ZNF600: variants seen among roughly 807,000 people sequenced by gnomAD.
ZNF600 encodes zinc finger protein KR-ZNF1.
A neutral mutation model predicts 7.3 loss-of-function variants in ZNF600; 4 were observed. That is an observed-to-expected ratio of 0.55 (90% CI 0.27 to 1.25). The LOEUF (loss-of-function observed/expected upper bound fraction) is 1.25. Ranked by LOEUF, ZNF600 falls within the 50% of genes most tolerant of loss-of-function variation. The pLI, the probability that ZNF600 is intolerant of heterozygous loss-of-function variation, is 0.12. For synonymous variants in ZNF600, 290 were observed against 308.9 expected (o/e 0.94, Z 0.64); for missense variants, 911 against 922.1 (o/e 0.99, Z 0.16).
At chr19:52,766,718 T>C in exon 4 of ZNF600, 1 of 1,613,988 alleles carries the variant, frequency 6.2e-7, no homozygotes, top group Non-Finnish European at 8.5e-7. Flanking sequence ...TTTTATGTCT[T>C]GCCAGCTGAG....
chr19:52,794,187 C>G, the ZNF600 span, among the ~76,000 whole-genome samples: 35 of 152,042 alleles, frequency 2.3e-4, no homozygotes, highest in Admixed American at 1.8e-3. Context: ...TGGGTGTGGA[C>G]AGAGACAAGA....
the ZNF600 span, among the ~76,000 whole-genome samples, chr19:52,807,459 C>G: frequency 0.098 from 14,930 of 152,100 alleles, 1,342 homozygotes; most frequent in African/African-American, 0.22. Flanking sequence ...TCTTTAAAGT[C>G]TGCCATAAGG....
upstream of ZNF600, among the ~76,000 whole-genome samples, chr19:52,791,324 C>G (rs958105987): frequency 4.6e-5 from 7 of 152,202 alleles, no homozygotes; most frequent in Non-Finnish European, 7.3e-5. Flanking sequence ...ATGTCACTGG[C>G]TCACAGGAGA....
chr19:52,799,341 A>T, the ZNF600 span: 3 of 491,682 alleles, frequency 6.1e-6, no homozygotes, highest in East Asian at 7.6e-5. Context: ...CTTGTCATAA[A>T]CCTTACATCT....
intron 2 of ZNF600, among the ~76,000 whole-genome samples, chr19:52,778,592 A>G (rs10415079): frequency 0.035 from 5,340 of 152,226 alleles, 185 homozygotes; most frequent in African/African-American, 0.088. Flanking sequence ...ATCCATGTCT[A>G]GGTGTGAGCC....
At chr19:52,801,710 A>C in the ZNF600 span, 2 of 1,608,410 alleles carry the variant, frequency 1.2e-6, no homozygotes, top group Non-Finnish European at 1.7e-6. Context: ...TATCTACAAA[A>C]TATAAACACC....
At chr19:52,794,888 A>T in the ZNF600 span, among the ~76,000 whole-genome samples, 1 of 152,148 alleles carries the variant, frequency 6.6e-6, no homozygotes, top group Non-Finnish European at 1.5e-5. Flanking sequence ...GGACCATTCT[A>T]TATACCTGAG....
At chr19:52,822,988 A>G in the ZNF600 span, among the ~76,000 whole-genome samples, 1 of 152,144 alleles carries the variant, frequency 6.6e-6, no homozygotes, top group Admixed American at 6.5e-5. Flanking sequence ...ACACACAGGG[A>G]AAGACAGAGA....
chr19:52,811,760 T>G, the ZNF600 span, among the ~76,000 whole-genome samples: 3 of 129,028 alleles, frequency 2.3e-5, no homozygotes, highest in East Asian at 2.4e-4. Flanking sequence ...GGGAGGGAGG[T>G]CGGGGGGGTC....
intron 1 of ZNF600, among the ~76,000 whole-genome samples, chr19:52,784,112 G>C (rs1271577543): frequency 6.6e-6 from 1 of 152,122 alleles, no homozygotes; most frequent in Non-Finnish European, 1.5e-5. Flanking sequence ...AGGTAGGCCC[G>C]GCATGGCGGC....
chr19:52,801,119 T>C, the ZNF600 span: 1 of 1,614,132 alleles, frequency 6.2e-7, no homozygotes, highest in East Asian at 2.2e-5. Context: ...CACATTTACA[T>C]TGTTTCTCTT....
chr19:52,800,775 C>A, the ZNF600 span: 1 of 1,614,102 alleles, frequency 6.2e-7, no homozygotes, highest in Non-Finnish European at 8.5e-7. Flanking sequence ...ACATTCATTA[C>A]ACTTGTAAGG....
chr19:52,802,053 A>T, the ZNF600 span, among the ~76,000 whole-genome samples: 1 of 152,224 alleles, frequency 6.6e-6, no homozygotes, highest in Non-Finnish European at 1.5e-5. Context: ...TATATTCTTC[A>T]TATTTACAGC....
chr19:52,778,072 G>T (rs988181432), intron 2 of ZNF600, among the ~76,000 whole-genome samples: 1 of 151,912 alleles, frequency 6.6e-6, no homozygotes, highest in Non-Finnish European at 1.5e-5. Context: ...GGAGTGCAGT[G>T]GCATAATTTC....
At chr19:52,802,742 T>G in the ZNF600 span, among the ~76,000 whole-genome samples, 3 of 149,912 alleles carry the variant, frequency 2.0e-5, no homozygotes, top group African/African-American at 7.4e-5. Context: ...TATATCCATG[T>G]GGAACAGGCA....
At chr19:52,816,633 C>T in the ZNF600 span, among the ~76,000 whole-genome samples, 1 of 125,816 alleles carries the variant, frequency 7.9e-6, no homozygotes, top group Non-Finnish European at 1.6e-5. Flanking sequence ...CAAAGCACTC[C>T]ACCCTGGGTG....
the ZNF600 span, among the ~76,000 whole-genome samples, chr19:52,795,275 A>G: frequency 2.0e-5 from 3 of 152,206 alleles, no homozygotes; most frequent in African/African-American, 4.8e-5. Flanking sequence ...ATGTTAGCAT[A>G]AAGAAAAAGT....
chr19:52,825,749 G>A, the ZNF600 span, among the ~76,000 whole-genome samples: 2 of 152,112 alleles, frequency 1.3e-5, no homozygotes, highest in East Asian at 1.9e-4. Flanking sequence ...ACTTCGGGAG[G>A]CTGAGGGGGA....
At chr19:52,829,183 TTTTTA>T in the ZNF600 span, among the ~76,000 whole-genome samples, 18,564 of 90,878 alleles carry the variant, frequency 0.2, 1,411 homozygotes, top group African/African-American at 0.27. Context: ...TTTTTTTCTT[TTTTTA>T]TTTTATTTTA....
Sources: gnomAD v4.1 joint callset for allele counts (sites outside exome capture counted in the v4.1 genomes callset) on GRCh38, gnomAD v4.1.1 for gene constraint, MANE v1.5 for transcripts, NCBI Gene and HGNC (gene_info 2026-07-23, HGNC 2026-07-21) for gene names.